Variants in CELF2 observed in about 807,000 individuals in gnomAD.
The protein encoded by CELF2 is CUGBP Elav-like family member 2, also known as CUG triplet repeat RNA-binding protein 2.
Under a neutral mutation model 62.6 loss-of-function variants are expected in CELF2, and 8 were observed. That is an observed-to-expected ratio of 0.13 (90% CI 0.07 to 0.23). The LOEUF (loss-of-function observed/expected upper bound fraction) is 0.23, where lower values mean the gene tolerates loss of function less well. Ranked by LOEUF, CELF2 falls within the 10% of genes least tolerant of loss-of-function variation. CELF2 has a pLI of 1.00. For synonymous variants in CELF2, 258 were observed against 250.0 expected, an observed-to-expected ratio of 1.03 and a Z score of -0.30; for missense variants, 333 against 671.0, an observed-to-expected ratio of 0.50 and a Z score of 5.56.
chr10:10,937,283 C>T (rs2046525153), intron 2 of CELF2, among the ~76,000 whole-genome samples: 1 of 152,078 alleles, frequency 6.6e-6, no homozygotes, highest in South Asian at 2.1e-4. Context: ...AGGCAAGTGC[C>T]ACCATGCCCA....
rs536033913 is a variant in CELF2 at position 10,901,462 on chromosome 10, T to C, written c.54-18502T>C. 9.8e-5 allele frequency among the ~76,000 whole-genome samples: 15 copies of C among 152,350 alleles called. No individual in the cohort carries two copies. In the South Asian group the frequency reaches 2.3e-3, roughly 23 times the overall value. On this transcript the variant is annotated intron_variant, in intron 1 of 13. Coordinates refer to the CELF2 transcript ENST00000636488. ...TTTCAACATGTGATATTGAACCAAT[T>C]AGACATCCACATACAAATAAACTTT... is the stretch of plus-strand genomic sequence containing the variant.
At chr10:10,598,658 C>T in the CELF2 span, among the ~76,000 whole-genome samples, 1 of 150,234 alleles carries the variant, frequency 6.7e-6, no homozygotes, top group Non-Finnish European at 1.5e-5. Flanking sequence ...ATAACTGAAA[C>T]TAAAGAATTC....
the CELF2 span, among the ~76,000 whole-genome samples, chr10:10,654,979 C>T: frequency 5.5e-4 from 80 of 144,818 alleles, no homozygotes; most frequent in African/African-American, 1.9e-3. Context: ...CCCATTGTCT[C>T]AGCCCAAAAT....
rs75813681 is a variant in CELF2, at chr10:10,853,954, C to T, written c.53+55137C>T. Among the ~76,000 whole-genome samples the T allele has an allele frequency of 4.6e-3, 701 of 152,228 alleles. 6 individuals carry two copies. The highest frequency in any genetic ancestry group is 0.016 in the African/African-American group (672 of 41,534). ...GGAGTGTGGTGTTTAAAGAGTGCTC[C>T]GGATGCAACTTTTCTATCCCCATAT... On this transcript the variant is annotated intron_variant, in intron 1 of 13. Coordinates refer to the CELF2 transcript ENST00000636488.
At chr10:10,691,706 G>T in the CELF2 span, among the ~76,000 whole-genome samples, 1 of 146,306 alleles carries the variant, frequency 6.8e-6, no homozygotes, top group South Asian at 2.3e-4. Flanking sequence ...ATTCTAACTG[G>T]TGTGAGATGG....
chr10:10,696,859 C>G, the CELF2 span, among the ~76,000 whole-genome samples: 1 of 152,210 alleles, frequency 6.6e-6, no homozygotes, highest in African/African-American at 2.4e-5. Flanking sequence ...GGTGCGTGCA[C>G]CCAATGACCT....
the CELF2 span, chr10:10,776,647 C>A: frequency 1.2e-5 from 2 of 166,554 alleles, no homozygotes; most frequent in South Asian, 1.6e-4. Context: ...CACTGTGGGC[C>A]ACCCCAGCGT....
rs1168964818 is a variant in CELF2, at chr10:11,008,588, CA to C, written c.53+3149del. Among the ~76,000 whole-genome samples, 5 of 152,064 alleles carry C rather than the reference CA, an allele frequency of 3.3e-5. No homozygotes were observed. The highest frequency in any genetic ancestry group is 3.3e-4 in the Admixed American group (5 of 15,266). On this transcript the variant is annotated intron_variant, in intron 1 of 12. Transcript: ENST00000416382. This position sits in a 1 kb window ranked among gnomAD's most constrained non-coding sequence, Gnocchi z 4.5. ...GTGAATCAATACTAATTATTGTAAT[CA>C]GGGGGGTTAATTAGGTGAAAATGTG...
rs1198592384 is a variant in CELF2, at chr10:11,017,926, C to T, written c.-164C>T. 1.0e-6 allele frequency: 1 copy of T among 983,060 alleles called. No individual in the cohort carries two copies. The highest frequency in any genetic ancestry group is 1.8e-5 in the African/African-American group (1 of 56,750). 60.9% of individuals were successfully genotyped at this position (983,060 alleles called of 1,614,324 possible). ...AGCCGGCCGCCCCGGCGCTGGATTT[C>T]GGAGGGGATTGGCGGAGCGCGAGGA... On this transcript the variant is annotated 5_prime_UTR_variant, in exon 1 of 13. Coordinates refer to ENST00000633077, the MANE Select transcript of CELF2 (RefSeq NM_001326342.2). The surrounding 1 kb of genome is among the most constrained non-coding windows in gnomAD (Gnocchi z 5.5).
chr10:11,020,412 A>G (rs1403866822), intron 1 of CELF2, among the ~76,000 whole-genome samples: 1 of 152,178 alleles, frequency 6.6e-6, no homozygotes, highest in Admixed American at 6.5e-5. Context: ...TAAATACTGT[A>G]TCTGGGGATA....
intron 1 of CELF2, among the ~76,000 whole-genome samples, chr10:11,031,798 G>A (rs554636770): frequency 2.6e-5 from 4 of 152,182 alleles, no homozygotes; most frequent in Non-Finnish European, 5.9e-5. Flanking sequence ...AAATCAGACT[G>A]TAAGGCCCAA....
the CELF2 span, among the ~76,000 whole-genome samples, chr10:10,761,185 T>C: frequency 6.6e-6 from 1 of 152,172 alleles, no homozygotes; most frequent in Non-Finnish European, 1.5e-5. Context: ...AAATGGGTGT[T>C]GGCTGGAATT....
intron 1 of CELF2, among the ~76,000 whole-genome samples, chr10:11,155,183 C>T (rs1450090370): frequency 6.6e-6 from 1 of 152,188 alleles, no homozygotes; most frequent in Non-Finnish European, 1.5e-5. Flanking sequence ...TTATATATTT[C>T]CCGGCCTCCT....
At chr10:10,675,159 T>C in the CELF2 span, among the ~76,000 whole-genome samples, 1 of 152,218 alleles carries the variant, frequency 6.6e-6, no homozygotes, top group Admixed American at 6.5e-5. Flanking sequence ...TAATATCCCT[T>C]GCAAGACAGA....
rs2065495300 is a variant in CELF2, at chr10:11,223,418, T to C, written c.354+5911T>C. Reference sequence around the variant, plus strand: ...CGGAATGTGTCAGTCAGGACATCCATTTGGTGCAGATGCTTCAGATGTACA... The same window carrying C: ...CGGAATGTGTCAGTCAGGACATCCACTTGGTGCAGATGCTTCAGATGTACA... On this transcript the variant is annotated intron_variant, in intron 3 of 12. Coordinates refer to ENST00000633077, the MANE Select transcript of CELF2 (RefSeq NM_001326342.2). The surrounding 1 kb of genome is among the most constrained non-coding windows in gnomAD (Gnocchi z 5.1). Among the ~76,000 whole-genome samples, 1 of 152,186 alleles carries C rather than the reference T, an allele frequency of 6.6e-6. No individual in the cohort carries two copies. Among genetic ancestry groups the C allele is most frequent in the Non-Finnish European group, 1.5e-5 (1 of 68,032 alleles).
intron 1 of CELF2, among the ~76,000 whole-genome samples, chr10:11,100,233 T>C (rs1490177211): frequency 6.6e-6 from 1 of 151,658 alleles, no homozygotes; most frequent in Non-Finnish European, 1.5e-5. Flanking sequence ...AATAAATAAA[T>C]AAATAAATAA....
chr10:11,018,344 G>A (rs1439238994), intron 1 of CELF2, among the ~76,000 whole-genome samples, 181 bp downstream of exon 1: 1 of 151,718 alleles, frequency 6.6e-6, no homozygotes, highest in Non-Finnish European at 1.5e-5. Context: ...GTGCGGACGA[G>A]CAGCGCCGGC....
rs774126327 is a variant in CELF2, at chr10:11,242,648, A to C, written c.355-6505A>C. 6.6e-6 allele frequency among the ~76,000 whole-genome samples: 1 copy of C among 152,104 alleles called. No homozygotes were observed. Among genetic ancestry groups the C allele is most frequent in the Non-Finnish European group, 1.5e-5 (1 of 68,022 alleles). On this transcript the variant is annotated intron_variant, in intron 3 of 12. Transcript: ENST00000633077. The surrounding 1 kb of genome is among the most constrained non-coding windows in gnomAD (Gnocchi z 4.8). ...GGCTTTGCTCCAAAGTCGTACTCTC[A>C]TTTTCATTTTCATGAGTCACAGCTG...
At chr10:10,800,566 T>G (rs2054560656) in intron 1 of CELF2, among the ~76,000 whole-genome samples, 1 of 152,206 alleles carries the variant, frequency 6.6e-6, no homozygotes, top group Admixed American at 6.5e-5. Context: ...TTTCCCAGAC[T>G]GGTCTCGAAC....
Sources: gnomAD v4.1 joint callset for allele counts (sites outside exome capture counted in the v4.1 genomes callset) on GRCh38, gnomAD v4.1.1 for gene constraint, Gnocchi (gnomAD v3.1) non-coding constraint, MANE v1.5 for transcripts, NCBI Gene and HGNC (gene_info 2026-07-23, HGNC 2026-07-21) for gene names.